The following BRAF variants were observed in gnomAD, a reference collection of about 807,000 sequenced individuals.
BRAF encodes the protein serine/threonine-protein kinase B-raf.
BRAF carries 16 observed loss-of-function variants against 104.6 expected under a neutral mutation model. That is an observed-to-expected ratio of 0.15 (90% CI 0.10 to 0.23). The LOEUF (loss-of-function observed/expected upper bound fraction) is 0.23, where lower values mean the gene tolerates loss of function less well. Ranked by LOEUF, BRAF falls within the 10% of genes least tolerant of loss-of-function variation. The pLI is 1.00. For missense variants in BRAF, 541 were observed against 937.3 expected (o/e 0.58, Z 5.52); for synonymous variants, 310 against 341.6 (o/e 0.91, Z 1.02).
chr7:140,901,755 G>A (rs1412253469), intron 1 of BRAF, among the ~76,000 whole-genome samples: 2 of 152,080 alleles, frequency 1.3e-5, no homozygotes, highest in African/African-American at 4.8e-5. Flanking sequence ...CCTTTCCTAG[G>A]AAATCTGTCT....
chr7:140,792,749 A>G (rs1326918928), intron 8 of BRAF, among the ~76,000 whole-genome samples: 1 of 152,264 alleles, frequency 6.6e-6, no homozygotes, highest in Non-Finnish European at 1.5e-5. Flanking sequence ...GTGCTAATTC[A>G]TAAATAATTC....
intron 5 of BRAF, among the ~76,000 whole-genome samples, chr7:140,804,691 C>T (rs1380494288): frequency 6.6e-6 from 1 of 152,144 alleles, no homozygotes; most frequent in Non-Finnish European, 1.5e-5. Flanking sequence ...ATTCATACAA[C>T]ACTACTTACC....
intron 17 of BRAF, chr7:140,740,429 T>C (rs1396408188): frequency 6.5e-6 from 1 of 153,474 alleles, no homozygotes; most frequent in Non-Finnish European, 1.5e-5. Flanking sequence ...AATGGGCCAC[T>C]TGGTTATACA....
chr7:140,755,651 C>T (rs1483429223), intron 14 of BRAF, among the ~76,000 whole-genome samples: 1 of 152,094 alleles, frequency 6.6e-6, no homozygotes, highest in Admixed American at 6.6e-5. Context: ...ATCATATTGT[C>T]ACTCTTTCAC....
At chr7:140,874,968 C>T (rs1812052321) in intron 1 of BRAF, among the ~76,000 whole-genome samples, 2 of 152,164 alleles carry the variant, frequency 1.3e-5, no homozygotes, top group Non-Finnish European at 1.5e-5. Context: ...AGAGATATGC[C>T]TGCTTCCCCT....
intron 1 of BRAF, among the ~76,000 whole-genome samples, chr7:140,913,407 G>T (rs541603622): frequency 2.1e-5 from 3 of 141,306 alleles, no homozygotes; most frequent in Admixed American, 1.4e-4. Flanking sequence ...CCTAAGAAAT[G>T]ACTCAATACA....
chr7:140,748,233 A>T (rs1797510258), intron 17 of BRAF, among the ~76,000 whole-genome samples: 1 of 152,216 alleles, frequency 6.6e-6, no homozygotes, highest in Non-Finnish European at 1.5e-5. Context: ...TCTTGACAAA[A>T]CAGACAAATC....
intron 14 of BRAF, among the ~76,000 whole-genome samples, chr7:140,767,066 C>T (rs543186426): frequency 5.3e-5 from 8 of 152,172 alleles, no homozygotes; most frequent in East Asian, 3.9e-4. Context: ...TGCAGTGGCG[C>T]GATCTTGACT....
intron 14 of BRAF, among the ~76,000 whole-genome samples, chr7:140,763,962 C>T (rs1440935835): frequency 2.6e-5 from 4 of 152,182 alleles, no homozygotes; most frequent in Non-Finnish European, 5.9e-5. Flanking sequence ...CCAGAATCAT[C>T]CTGATACCAA....
At position 140,888,681 on chromosome 7, in the gene BRAF, C is replaced by G. The variant is rs898910113; in HGVS notation, c.138+35885G>C. Among the ~76,000 whole-genome samples the G allele has an allele frequency of 3.3e-5, 5 of 151,924 alleles. No homozygotes were observed. The East Asian group carries it at 9.7e-4, about 29-fold the overall frequency. ...AGAAACCCTGTCTCTACTAAAAGTA[C>G]AAAATTAGAAGGGTGCGGTGGCGGG... On this transcript the variant is annotated intron_variant, in intron 1 of 19. Coordinates refer to ENST00000644969, the MANE Select transcript of BRAF (RefSeq NM_001374258.1).
chr7:140,882,592 G>A (rs543591576), intron 1 of BRAF, among the ~76,000 whole-genome samples: 5 of 151,958 alleles, frequency 3.3e-5, no homozygotes, highest in Admixed American at 6.5e-5. Flanking sequence ...TGGTCAGGCT[G>A]GTCTTGAACA....
intron 1 of BRAF, among the ~76,000 whole-genome samples, chr7:140,912,026 G>C (rs1817038977): frequency 6.6e-6 from 1 of 152,142 alleles, no homozygotes; most frequent in South Asian, 2.1e-4. Context: ...ATTGCCATTA[G>C]CCTATAGTCC....
intron 1 of BRAF, among the ~76,000 whole-genome samples, chr7:140,903,236 T>C (rs1267464953): frequency 1.3e-5 from 2 of 152,174 alleles, no homozygotes; most frequent in East Asian, 3.9e-4. Flanking sequence ...TAGGACACGA[T>C]GACTCTTATT....
chr7:140,752,108 A>G (rs890040657), intron 16 of BRAF, among the ~76,000 whole-genome samples: 1 of 152,230 alleles, frequency 6.6e-6, no homozygotes, highest in Non-Finnish European at 1.5e-5. Context: ...TACTAAAATA[A>G]TAACAAGTAG....
At chr7:140,767,162 C>T (rs1025407646) in intron 14 of BRAF, among the ~76,000 whole-genome samples, 12 of 151,914 alleles carry the variant, frequency 7.9e-5, no homozygotes, top group African/African-American at 2.9e-4. Context: ...GACCACCACG[C>T]CTGGCTAATT....
chr7:140,876,082 G>A (rs1033657689), intron 1 of BRAF, among the ~76,000 whole-genome samples: 1 of 152,170 alleles, frequency 6.6e-6, no homozygotes, highest in Non-Finnish European at 1.5e-5. Flanking sequence ...ATGTTTAATG[G>A]TTGAAAGTAA....
intron 1 of BRAF, among the ~76,000 whole-genome samples, chr7:140,917,879 A>C (rs1267272175): frequency 2.0e-5 from 3 of 152,224 alleles, no homozygotes; most frequent in African/African-American, 7.2e-5. Context: ...GTGTCCTGAA[A>C]ATGACTACTG....
intron 1 of BRAF, among the ~76,000 whole-genome samples, chr7:140,860,716 G>C (rs1810330810): frequency 6.6e-6 from 1 of 152,096 alleles, no homozygotes; most frequent in Admixed American, 6.6e-5. Flanking sequence ...AATAATACAA[G>C]AGTTGGTAAT....
intron 6 of BRAF, 69 bp from the exon 7 acceptor site, chr7:140,800,550 T>C (rs568109147): frequency 1.9e-6 from 3 of 1,609,868 alleles, no homozygotes; most frequent in Admixed American, 3.3e-5. Context: ...AAATACATAG[T>C]TAACCAAAAA....
Sources: gnomAD v4.1 joint callset for allele counts (sites outside exome capture counted in the v4.1 genomes callset) on GRCh38, gnomAD v4.1.1 for gene constraint, MANE v1.5 for transcripts, NCBI Gene and HGNC (gene_info 2026-07-23, HGNC 2026-07-21) for gene names.